Variants in VEPH1 observed in about 807,000 individuals in gnomAD.
VEPH1 encodes ventricular zone expressed PH domain containing 1, also known as ventricular zone-expressed PH domain-containing protein homolog 1.
A neutral mutation model predicts 85.2 loss-of-function variants in VEPH1; 80 were observed. The ratio of observed to expected loss-of-function variants is 0.94; its 90% CI spans 0.78 to 1.13. The LOEUF is 1.13. Ranked by LOEUF, VEPH1 falls within the 50% of genes most tolerant of loss-of-function variation. The pLI is 0.00. For missense variants in VEPH1, 955 were observed against 980.5 expected, an observed-to-expected ratio of 0.97 and a Z score of 0.35; for synonymous variants, 297 against 348.0, an observed-to-expected ratio of 0.85 and a Z score of 1.63.
chr3:157,437,727 T>G (rs1297061164), intron 4 of VEPH1: 4 of 1,515,090 alleles, frequency 2.6e-6, no homozygotes, highest in Non-Finnish European at 3.5e-6. Flanking sequence ...GGCTGACCAG[T>G]GCTCTGGACG....
intron 12 of VEPH1, among the ~76,000 whole-genome samples, chr3:157,281,062 A>G (rs1235830798): frequency 3.3e-5 from 5 of 150,964 alleles, no homozygotes; most frequent in Non-Finnish European, 5.9e-5. Context: ...TAGGGGTGGT[A>G]TGTAGGTGTG....
chr3:157,445,457 T>C (rs1371365293), intron 4 of VEPH1, among the ~76,000 whole-genome samples: 2 of 151,982 alleles, frequency 1.3e-5, no homozygotes, highest in Non-Finnish European at 2.9e-5. Flanking sequence ...CCGTTTCTAC[T>C]AAAAATACAA....
At chr3:157,303,119 T>C (rs944461430) in intron 11 of VEPH1, among the ~76,000 whole-genome samples, 1 of 152,340 alleles carries the variant, frequency 6.6e-6, no homozygotes, top group Non-Finnish European at 1.5e-5. Context: ...GAGAATGCTC[T>C]AATACACCAA....
rs940011981 is a variant in VEPH1, at chr3:157,437,763, G to T, written c.530-9275C>A. ...AGCTGCTGCAGGCGACCCGCGACGC[G>T]GGCCGCAGGCTGGCGCGTATGGAGG... On this transcript the variant is annotated intron_variant, in intron 4 of 13. Coordinates refer to ENST00000362010, the MANE Select transcript of VEPH1 (RefSeq NM_001167912.2). 6.7e-6 allele frequency: 10 copies of T among 1,486,984 alleles called. No homozygotes were observed. In the Admixed American group the frequency reaches 9.4e-5, roughly 14 times the overall value. 92.1% of individuals were successfully genotyped at this position (1,486,984 alleles called of 1,614,324 possible).
intron 4 of VEPH1, among the ~76,000 whole-genome samples, chr3:157,429,422 A>C (rs569588904): frequency 7.9e-5 from 12 of 152,358 alleles, no homozygotes; most frequent in Non-Finnish European, 1.8e-4. Flanking sequence ...GACAATTTAG[A>C]TATGATCATT....
intron 11 of VEPH1, among the ~76,000 whole-genome samples, chr3:157,295,423 C>T (rs1717996840): frequency 6.6e-6 from 1 of 151,268 alleles, no homozygotes; most frequent in African/African-American, 2.4e-5. Context: ...CAGAGCAAGA[C>T]CCTGTCTTGA....
chr3:157,440,720 C>T (rs191274863), intron 4 of VEPH1, among the ~76,000 whole-genome samples: 154 of 151,924 alleles, frequency 1.0e-3, no homozygotes, highest in Non-Finnish European at 1.9e-3. Context: ...GCAGAGCTCA[C>T]CTGTTCTTTC....
chr3:157,292,983 C>CAA (rs11349713), intron 11 of VEPH1, among the ~76,000 whole-genome samples: 3 of 110,078 alleles, frequency 2.7e-5, no homozygotes, highest in Admixed American at 9.2e-5. Flanking sequence ...AACTCCACCT[C>CAA]AAAAAAAAAA....
intron 6 of VEPH1, among the ~76,000 whole-genome samples, chr3:157,398,669 G>A (rs945823130): frequency 1.3e-5 from 2 of 151,270 alleles, no homozygotes; most frequent in African/African-American, 4.9e-5. Flanking sequence ...TGCAGAAGAT[G>A]ATAGAGCCTT....
At chr3:157,346,045 G>C (rs951446164) in intron 9 of VEPH1, among the ~76,000 whole-genome samples, 1 of 148,186 alleles carries the variant, frequency 6.7e-6, no homozygotes, top group Non-Finnish European at 1.5e-5. Context: ...GGGGGAGGGG[G>C]GAGGGATAGC....
At chr3:157,348,593 C>T (rs1724506590) in intron 9 of VEPH1, among the ~76,000 whole-genome samples, 2 of 152,152 alleles carry the variant, frequency 1.3e-5, no homozygotes, top group Non-Finnish European at 2.9e-5. Flanking sequence ...ATTTTTAAAT[C>T]AGATTGTTAG....
At chr3:157,473,874 A>G (rs545271776) in intron 2 of VEPH1, among the ~76,000 whole-genome samples, 1 of 152,312 alleles carries the variant, frequency 6.6e-6, no homozygotes, top group African/African-American at 2.4e-5. Flanking sequence ...TTTAGCATTT[A>G]TAGGTACATC....
intron 12 of VEPH1, among the ~76,000 whole-genome samples, chr3:157,269,847 G>A (rs1714308886): frequency 6.6e-6 from 1 of 151,892 alleles, no homozygotes; most frequent in South Asian, 2.1e-4. Context: ...ATCTACGAGG[G>A]TATGATCATG....
chr3:157,355,383 A>G (rs1280121415), intron 9 of VEPH1, among the ~76,000 whole-genome samples: 1 of 152,230 alleles, frequency 6.6e-6, no homozygotes, highest in Admixed American at 6.5e-5. Context: ...TTGCCAGGCA[A>G]GTCTCCAAAG....
chr3:157,405,601 A>G (rs1731083990), intron 6 of VEPH1, among the ~76,000 whole-genome samples: 1 of 152,120 alleles, frequency 6.6e-6, no homozygotes. Flanking sequence ...CATGGTTTCT[A>G]GAAGACTCAC....
At chr3:157,371,293 C>A (rs1316154110) in intron 7 of VEPH1, among the ~76,000 whole-genome samples, 1 of 152,104 alleles carries the variant, frequency 6.6e-6, no homozygotes, top group African/African-American at 2.4e-5. Context: ...AATATGAATT[C>A]TGAGCAACTG....
intron 9 of VEPH1, among the ~76,000 whole-genome samples, chr3:157,327,606 A>G (rs1382135760): frequency 6.6e-6 from 1 of 152,168 alleles, no homozygotes; most frequent in Non-Finnish European, 1.5e-5. Context: ...AAACACTTAT[A>G]AGAGTCACAC....
intron 9 of VEPH1, among the ~76,000 whole-genome samples, chr3:157,338,499 G>T (rs1354340591): frequency 6.6e-6 from 1 of 152,116 alleles, no homozygotes; most frequent in African/African-American, 2.4e-5. Flanking sequence ...TGATTAAAAG[G>T]TGAAGCATCT....
At chr3:157,442,829 A>G in intron 4 of VEPH1, 1 of 1,614,106 alleles carries the variant, frequency 6.2e-7, no homozygotes, top group Non-Finnish European at 8.5e-7. Context: ...TCTCTGGGAG[A>G]CTCACAGGCT....
Sources: allele counts gnomAD v4.1 joint callset (sites outside exome capture counted in the v4.1 genomes callset), GRCh38; gene constraint gnomAD v4.1.1; transcripts MANE v1.5; gene names NCBI Gene and HGNC (gene_info 2026-07-23, HGNC 2026-07-21).